The following PIAS2 variants were observed in gnomAD, a reference collection of about 807,000 sequenced individuals.
The protein encoded by PIAS2 is protein inhibitor of activated STAT 2, also known as E3 SUMO-protein ligase PIAS2.
Under a neutral mutation model 69.7 loss-of-function variants are expected in PIAS2, and 19 were observed. The ratio of observed to expected loss-of-function variants is 0.27; its 90% CI spans 0.19 to 0.40. PIAS2 has a LOEUF of 0.40. Ranked by LOEUF, PIAS2 falls within the 10% of genes least tolerant of loss-of-function variation. The probability of loss-of-function intolerance (pLI) is 1.00; values close to 1 mark genes in which losing one functional copy is unlikely to be tolerated. For synonymous variants in PIAS2, 261 were observed against 263.2 expected, an observed-to-expected ratio of 0.99 and a Z score of 0.08; for missense variants, 624 against 757.0, an observed-to-expected ratio of 0.82 and a Z score of 2.06.
At chr18:46,855,505 G>A (rs2047605102) in intron 4 of PIAS2, 60 bp downstream of exon 4, 4 of 1,564,978 alleles carry the variant, frequency 2.6e-6, no homozygotes, top group Non-Finnish European at 3.5e-6. Context: ...TTAAAATTCA[G>A]AACTACATGC....
intron 1 of PIAS2, among the ~76,000 whole-genome samples, chr18:46,898,047 G>A (rs973895671): frequency 2.6e-5 from 4 of 151,736 alleles, no homozygotes; most frequent in African/African-American, 9.7e-5. Context: ...TACAGACAGA[G>A]TCTCCCTGTG....
chr18:46,883,659 C>A (rs532437887), intron 2 of PIAS2, among the ~76,000 whole-genome samples: 4 of 152,092 alleles, frequency 2.6e-5, no homozygotes, highest in African/African-American at 9.6e-5. Context: ...GGCAACATAG[C>A]AAAATCTCAT....
chr18:46,845,824 T>C (rs966030844), intron 6 of PIAS2, among the ~76,000 whole-genome samples: 1 of 152,178 alleles, frequency 6.6e-6, no homozygotes, highest in Non-Finnish European at 1.5e-5. Context: ...GGAAGAGTAT[T>C]ATCCCCATTA....
chr18:46,807,730 G>C lies in PIAS2; in HGVS notation c.*4703C>G, dbSNP rs1278635322. 6.6e-6 allele frequency: 1 copy of C among 152,072 alleles called. No homozygotes were observed. The highest frequency in any genetic ancestry group is 1.5e-5 in the Non-Finnish European group (1 of 68,026). The allele number at this position is 152,072 out of a possible 1,614,324, so 9.4% of individuals were successfully genotyped here. On this transcript the variant is annotated 3_prime_UTR_variant, in exon 14 of 14. Coordinates refer to ENST00000585916, the MANE Select transcript of PIAS2 (RefSeq NM_004671.5). ...ATATATTTAAAACTAAGAAAGCTTGGGAAAATCTCTGCCAATGATCTCCAT... is the reference window on the plus strand; with the variant it reads ...ATATATTTAAAACTAAGAAAGCTTGCGAAAATCTCTGCCAATGATCTCCAT...
chr18:46,818,657 A>AT lies in PIAS2; in HGVS notation c.1648+2275dup, dbSNP rs539372982. 1.9e-4 allele frequency among the ~76,000 whole-genome samples: 29 copies of AT among 152,200 alleles called. No individual in the cohort carries two copies. In the South Asian group the frequency reaches 6.0e-3, roughly 32 times the overall value. On this transcript the variant is annotated intron_variant, in intron 12 of 13. Transcript: ENST00000585916. ...CAAATTACTAATCACAAAAGAGCAC[A>AT]TTAACAATAAAATCAAAGTAAAACT...
At chr18:46,831,583 C>T (rs536526887) in intron 9 of PIAS2, among the ~76,000 whole-genome samples, 59 of 152,300 alleles carry the variant, frequency 3.9e-4, no homozygotes, top group African/African-American at 1.2e-3. Context: ...AGTCACACTA[C>T]CTGACTTCCA....
intron 2 of PIAS2, among the ~76,000 whole-genome samples, chr18:46,878,618 C>T (rs2145825037): frequency 6.6e-6 from 1 of 152,320 alleles, no homozygotes; most frequent in African/African-American, 2.4e-5. Flanking sequence ...CCTGTAATCC[C>T]AGCACTTTGG....
rs1287665770 is a variant in PIAS2 at position 46,829,770 on chromosome 18, T to C, written c.1300A>G (p.Met434Val). 5 of 1,613,704 alleles carry C rather than the reference T, an allele frequency of 3.1e-6. No homozygotes were observed. Among genetic ancestry groups the C allele is most frequent in the South Asian group, 2.2e-5 (2 of 91,050 alleles). Residue 434 changes from methionine (M) to valine (V), a missense_variant, in exon 10 of 14, where the codon ATG becomes GTG. This residue lies in a region of PIAS2 where 241 missense variants were observed against 257.3 expected (regional missense o/e 0.94). Transcript: ENST00000585916. ...WCPMRPKKEA[M>V]KVSSQPCTKI... Reference sequence around the variant, plus strand: ...GTACACGGTTGGCTGGATACTTTCATAGCTTCTTTCTTCGGTCTCATTGGA... The same window carrying C: ...GTACACGGTTGGCTGGATACTTTCACAGCTTCTTTCTTCGGTCTCATTGGA...
In PIAS2 at chr18:46,890,659, A is replaced by T; in HGVS notation, c.420T>A (p.Pro140=). Residue 140 remains proline (P), a synonymous_variant, in exon 2 of 14, where the codon CCT becomes CCA. Transcript: ENST00000585916. ...FEMQQPSPPI[P]PVHPDVQLKN... ...TTAACTGCACATCAGGATGGACAGG[A>T]GGAATTGGGGGAGATGGCTGCTGCA... The T allele has an allele frequency of 6.2e-7, 1 of 1,614,124 alleles. No homozygotes were observed. Among genetic ancestry groups the T allele is most frequent in the South Asian group, 1.1e-5 (1 of 91,070 alleles).
At chr18:46,828,806 A>G (rs183466234) in intron 10 of PIAS2, among the ~76,000 whole-genome samples, 1 of 152,332 alleles carries the variant, frequency 6.6e-6, no homozygotes, top group Non-Finnish European at 1.5e-5. Context: ...TTTTCACAGA[A>G]AAGTATGTTA....
At chr18:46,909,567 T>C (rs2057023273) in intron 1 of PIAS2, among the ~76,000 whole-genome samples, 1 of 152,194 alleles carries the variant, frequency 6.6e-6, no homozygotes, top group African/African-American at 2.4e-5. Context: ...TTTTGAAGTG[T>C]GACAAAAGTA....
intron 2 of PIAS2, among the ~76,000 whole-genome samples, chr18:46,882,350 A>C (rs1345969173): frequency 6.6e-6 from 1 of 152,108 alleles, no homozygotes; most frequent in Non-Finnish European, 1.5e-5. Flanking sequence ...GATTAGCAAA[A>C]ATTAAAAGAC....
At chr18:46,919,703 A>G (rs542557866), upstream of PIAS2, among the ~76,000 whole-genome samples, 20 of 152,336 alleles carry the variant, frequency 1.3e-4, no homozygotes, top group South Asian at 3.5e-3. Flanking sequence ...TAAACCCACT[A>G]GACTATAATG....
At position 46,890,752 on chromosome 18, in the gene PIAS2, A is replaced by T; in HGVS notation, c.327T>A (p.Val109=). 2 of 1,614,186 alleles carry T rather than the reference A, an allele frequency of 1.2e-6. No homozygotes were observed. Among genetic ancestry groups the T allele is most frequent in the Non-Finnish European group, 1.7e-6 (2 of 1,180,032 alleles). ...CAGGAGAGGATGGTGAGTGAGGTGTAACTGAAGTGGAAGGCAACGAGTGGA... is the reference window on the plus strand; with the variant it reads ...CAGGAGAGGATGGTGAGTGAGGTGTTACTGAAGTGGAAGGCAACGAGTGGA... The part of the protein sequence containing the change: ...AGIHSLPSTS[V]TPHSPSSPVG... Residue 109 remains valine (V), a synonymous_variant, in exon 2 of 14, where the codon GTT becomes GTA. Transcript: ENST00000585916.
intron 1 of PIAS2, among the ~76,000 whole-genome samples, chr18:46,910,098 G>A (rs1568902210): frequency 2.0e-5 from 3 of 152,112 alleles, no homozygotes; most frequent in Admixed American, 2.0e-4. Context: ...GGAGGTTGCG[G>A]TGAGTCAAGA....
intron 1 of PIAS2, chr18:46,908,053 T>C (rs940966485): frequency 1.2e-4 from 18 of 152,340 alleles, no homozygotes; most frequent in African/African-American, 4.1e-4. Flanking sequence ...ATTATTATTT[T>C]GAGAAAATTC....
intron 10 of PIAS2, among the ~76,000 whole-genome samples, chr18:46,828,918 G>C (rs2043191220): frequency 6.6e-6 from 1 of 152,176 alleles, no homozygotes; most frequent in Non-Finnish European, 1.5e-5. Flanking sequence ...AAAGATGAGA[G>C]AAACCTTGGT....
At chr18:46,817,097 G>A (rs1050129836) in intron 12 of PIAS2, 4 of 947,098 alleles carry the variant, frequency 4.2e-6, no homozygotes, top group Non-Finnish European at 5.0e-6. Flanking sequence ...TCTTTTTACA[G>A]TAACTTCTTA....
In PIAS2 at chr18:46,876,687, C is replaced by G. The variant is rs535102152; in HGVS notation, c.500-12439G>C. On this transcript the variant is annotated intron_variant, in intron 2 of 13. Coordinates refer to ENST00000585916, the MANE Select transcript of PIAS2 (RefSeq NM_004671.5). ...AGCTAAAAATTCAGGAATAAATGAT[C>G]CCTTTACTAATTTTTTTTTTTTTTT... Among the ~76,000 whole-genome samples, 3 of 144,098 alleles carry G rather than the reference C, an allele frequency of 2.1e-5. No individual in the cohort carries two copies. The East Asian group carries it at 5.9e-4, about 29-fold the overall frequency. 94.5% of individuals were successfully genotyped at this position (144,098 alleles called of 152,430 possible).
Sources: gnomAD v4.1 joint callset for allele counts (sites outside exome capture counted in the v4.1 genomes callset) on GRCh38, gnomAD v4.1.1 for gene constraint, gnomAD v4.1.1 regional missense constraint, MANE v1.5 for transcripts, NCBI Gene and HGNC (gene_info 2026-07-23, HGNC 2026-07-21) for gene names.